The following SHLD2 variants were observed in gnomAD, a reference collection of about 807,000 sequenced individuals.
SHLD2 encodes the protein RINN1-REV7-interacting novel NHEJ regulator 2.
In SHLD2, 30 loss-of-function variants were observed where a neutral mutation model predicts 73.2. The ratio of observed to expected loss-of-function variants is 0.41; its 90% CI spans 0.31 to 0.56. SHLD2 has a LOEUF of 0.56. Among genes scored for constraint, SHLD2 ranks in the 20% least tolerant of loss-of-function variants. The probability of loss-of-function intolerance (pLI) is 0.28; values close to 1 mark genes in which losing one functional copy is unlikely to be tolerated. For missense variants in SHLD2, 745 were observed against 1,055.9 expected, an observed-to-expected ratio of 0.71 and a Z score of 4.08; for synonymous variants, 285 against 370.1, an observed-to-expected ratio of 0.77 and a Z score of 2.64.
chr10:87,151,046 A>G (rs1450553984), intron 2 of SHLD2, among the ~76,000 whole-genome samples: 2 of 152,044 alleles, frequency 1.3e-5, no homozygotes, highest in Non-Finnish European at 1.5e-5. Flanking sequence ...GATGGTCTCA[A>G]TCTCCTGACC....
At chr10:87,141,529 C>G (rs192722067) in intron 2 of SHLD2, among the ~76,000 whole-genome samples, 14 of 152,010 alleles carry the variant, frequency 9.2e-5, no homozygotes, top group African/African-American at 2.9e-4. Context: ...TTTAGTCCAC[C>G]ACGTTAGCCA....
chr10:87,189,315 TG>T (rs1207733475), intron 9 of SHLD2, among the ~76,000 whole-genome samples: 1 of 152,246 alleles, frequency 6.6e-6, no homozygotes, highest in African/African-American at 2.4e-5. Flanking sequence ...TCTTCTTTTT[TG>T]CATAATGTAA....
At chr10:87,116,435 G>C (rs997003572) in intron 2 of SHLD2, among the ~76,000 whole-genome samples, 1 of 151,548 alleles carries the variant, frequency 6.6e-6, no homozygotes, top group African/African-American at 2.4e-5. Context: ...AGTGGGAATG[G>C]AGTGAAGATA....
At chr10:87,129,840 G>A (rs61858898) in intron 2 of SHLD2, among the ~76,000 whole-genome samples, 5,297 of 151,828 alleles carry the variant, frequency 0.035, 156 homozygotes, top group Non-Finnish European at 0.058. Flanking sequence ...GACTGGTCTC[G>A]AACTCTTAAG....
chr10:87,100,138 C>G (rs372865317), intron 2 of SHLD2, among the ~76,000 whole-genome samples: 18 of 152,054 alleles, frequency 1.2e-4, no homozygotes, highest in Non-Finnish European at 2.5e-4. Flanking sequence ...TGTTTTCTTT[C>G]GATACTTATG....
At chr10:87,183,348 C>T (rs1005369723) in intron 8 of SHLD2, among the ~76,000 whole-genome samples, 1 of 152,110 alleles carries the variant, frequency 6.6e-6, no homozygotes, top group East Asian at 1.9e-4. Flanking sequence ...TAAAGAAATG[C>T]AATTTGCAAG....
chr10:87,127,052 A>G (rs531809729), intron 2 of SHLD2, among the ~76,000 whole-genome samples: 1 of 152,242 alleles, frequency 6.6e-6, no homozygotes, highest in East Asian at 1.9e-4. Context: ...AAGTCATCTG[A>G]CACAGTTACA....
chr10:87,116,792 G>A (rs1843285945), intron 2 of SHLD2, among the ~76,000 whole-genome samples: 1 of 152,154 alleles, frequency 6.6e-6, no homozygotes, highest in African/African-American at 2.4e-5. Flanking sequence ...CAGCAGCCTG[G>A]GTGAACACAC....
intron 2 of SHLD2, among the ~76,000 whole-genome samples, chr10:87,147,636 A>T (rs1424990012): frequency 6.6e-6 from 1 of 151,904 alleles, no homozygotes; most frequent in African/African-American, 2.4e-5. Context: ...TAAGGCAATT[A>T]GGGCAGCTTT....
intron 2 of SHLD2, among the ~76,000 whole-genome samples, chr10:87,100,467 T>C (rs1842191071): frequency 6.6e-6 from 1 of 151,822 alleles, no homozygotes; most frequent in East Asian, 1.9e-4. Flanking sequence ...ATACATTGTC[T>C]TGATTACGCC....
chr10:87,191,304 CAT>C lies in SHLD2; in HGVS notation c.*622_*623del, dbSNP rs1479306285. 1 of 156,548 alleles carries C rather than the reference CAT, an allele frequency of 6.4e-6. No individual in the cohort carries two copies. The highest frequency in any genetic ancestry group is 1.9e-4 in the East Asian group (1 of 5,238). The allele number at this position is 156,548 out of a possible 1,614,324, so 9.7% of individuals were successfully genotyped here. On this transcript the variant is annotated 3_prime_UTR_variant, in exon 10 of 10. Transcript: ENST00000298786. ...CTTACTGAATGCATTTACCAGCAAA[CAT>C]GTAGCAATCTGTTCTCTCATTGTGA... is the stretch of plus-strand genomic sequence containing the variant.
chr10:87,127,080 C>A (rs925765546), intron 2 of SHLD2, among the ~76,000 whole-genome samples: 114 of 152,138 alleles, frequency 7.5e-4, no homozygotes, highest in Middle Eastern at 3.4e-3. Flanking sequence ...CTTTCCTTTT[C>A]CATGGCTCTT....
upstream of SHLD2, chr10:87,094,595 C>T (rs1841669409): frequency 6.2e-7 from 1 of 1,611,022 alleles, no homozygotes; most frequent in African/African-American, 1.3e-5. This position sits in a 1 kb window ranked among gnomAD's most constrained non-coding sequence, Gnocchi z 6.6. Flanking sequence ...TCCTCGCGGT[C>T]GGCCACCGCC....
intron 2 of SHLD2, among the ~76,000 whole-genome samples, chr10:87,133,179 T>A (rs544468620): frequency 2.0e-5 from 3 of 152,220 alleles, no homozygotes; most frequent in East Asian, 1.9e-4. Context: ...GGAAAAAAAA[T>A]AATTTTTAAT....
At chr10:87,167,007 A>T (rs1847251783) in intron 4 of SHLD2, among the ~76,000 whole-genome samples, 1 of 151,824 alleles carries the variant, frequency 6.6e-6, no homozygotes, top group African/African-American at 2.4e-5. Flanking sequence ...AATGGCTTCT[A>T]AGTAAAATTC....
intron 2 of SHLD2, among the ~76,000 whole-genome samples, chr10:87,111,514 G>A (rs889223843): frequency 3.3e-5 from 5 of 151,686 alleles, no homozygotes; most frequent in African/African-American, 9.7e-5. Context: ...GGTGGCACGC[G>A]CCTGTAATCT....
At chr10:87,100,326 C>T (rs1842182291) in intron 2 of SHLD2, among the ~76,000 whole-genome samples, 1 of 152,130 alleles carries the variant, frequency 6.6e-6, no homozygotes, top group Non-Finnish European at 1.5e-5. Context: ...CTATCCAGTT[C>T]ATTTGCTCAA....
chr10:87,171,571 C>T (rs2134585150), intron 6 of SHLD2, among the ~76,000 whole-genome samples: 1 of 152,252 alleles, frequency 6.6e-6, no homozygotes, highest in Non-Finnish European at 1.5e-5. Flanking sequence ...ATAGTGTCTT[C>T]CCTTTGCTAT....
At chr10:87,096,420 A>G (rs187304548) in intron 1 of SHLD2, among the ~76,000 whole-genome samples, 461 of 152,266 alleles carry the variant, frequency 3.0e-3, no homozygotes, top group Non-Finnish European at 4.7e-3. Context: ...AGGAAATGCT[A>G]AAGTTCACAT....
Sources: allele counts gnomAD v4.1 joint callset (sites outside exome capture counted in the v4.1 genomes callset), GRCh38; gene constraint gnomAD v4.1.1; non-coding constraint Gnocchi (gnomAD v3.1); transcripts MANE v1.5; gene names NCBI Gene and HGNC (gene_info 2026-07-23, HGNC 2026-07-21).